Variants in DHTKD1 observed in about 807,000 individuals in gnomAD.
DHTKD1 encodes 2-oxoadipate dehydrogenase complex component E1.
In DHTKD1, 78 loss-of-function variants were observed where a neutral mutation model predicts 101.8. The observed-to-expected ratio is 0.77, with a 90% CI of 0.64 to 0.93. DHTKD1 has a LOEUF of 0.93. Among genes scored for constraint, DHTKD1 ranks in the 40% least tolerant of loss-of-function variants. The probability of loss-of-function intolerance (pLI) is 0.00; values close to 1 mark genes in which losing one functional copy is unlikely to be tolerated. For synonymous variants in DHTKD1, 462 were observed against 450.3 expected (o/e 1.03, Z -0.33); for missense variants, 1,223 against 1,161.7 (o/e 1.05, Z -0.77).
chr10:12,081,656 T>A (rs1832821303), intron 2 of DHTKD1, 29 bp downstream of exon 2: 5 of 1,613,296 alleles, frequency 3.1e-6, no homozygotes, highest in Non-Finnish European at 4.2e-6. Context: ...AGGCGGGAGC[T>A]CGGAGCTGCA....
chr10:12,095,966 G>A (rs1833066999), intron 7 of DHTKD1, among the ~76,000 whole-genome samples: 1 of 151,958 alleles, frequency 6.6e-6, no homozygotes, highest in Non-Finnish European at 1.5e-5. Flanking sequence ...CTGAGATTGT[G>A]CCACTGCATT....
intron 1 of DHTKD1, among the ~76,000 whole-genome samples, chr10:12,071,642 G>A (rs571145243): frequency 3.3e-5 from 5 of 151,234 alleles, no homozygotes; most frequent in African/African-American, 9.7e-5. Context: ...TGGTGCAGAC[G>A]TGGGGCCAGG....
intron 3 of DHTKD1, among the ~76,000 whole-genome samples, chr10:12,086,295 A>G (rs891407216): frequency 3.6e-5 from 5 of 137,228 alleles, no homozygotes; most frequent in African/African-American, 1.4e-4. Context: ...ATCTCAGCTC[A>G]CTGTAACCTC....
At chr10:12,102,282 G>A (rs1394740724) in intron 10 of DHTKD1, among the ~76,000 whole-genome samples, 1 of 151,774 alleles carries the variant, frequency 6.6e-6, no homozygotes, top group Non-Finnish European at 1.5e-5. Context: ...AAATTAGCTG[G>A]GTGTGGTGGC....
intron 14 of DHTKD1, 52 bp from the exon 15 acceptor site, chr10:12,118,697 C>G (rs1278530384): frequency 2.8e-6 from 4 of 1,420,214 alleles, no homozygotes; most frequent in Non-Finnish European, 3.7e-6. Context: ...TGACGTAATT[C>G]TTACTTTAAA....
chr10:12,097,750 G>A lies in DHTKD1; in HGVS notation c.1425G>A (p.Glu475=). 1 of 1,614,170 alleles carries A rather than the reference G, an allele frequency of 6.2e-7. No homozygotes were observed. The highest frequency in any genetic ancestry group is 8.5e-7 in the Non-Finnish European group (1 of 1,180,006). ...TTGCTGGCGGACTCATGACGCAGGAGGAGGTGTCTGAAATAAAATCCTCCT... is the reference window on the plus strand; with the variant it reads ...TTGCTGGCGGACTCATGACGCAGGAAGAGGTGTCTGAAATAAAATCCTCCT... ...HLIAGGLMTQ[E]EVSEIKSSYY... is the part of the protein sequence containing the mutation. The change falls in exon 8 of 17, where the codon GAG becomes GAA. Residue 475 remains glutamate, a synonymous_variant. Coordinates refer to ENST00000263035, the MANE Select transcript of DHTKD1 (RefSeq NM_018706.7).
chr10:12,103,525 G>GTGTA lies in DHTKD1; in HGVS notation c.1896+2352_1896+2355dup, dbSNP rs1187484683. 2.3e-5 allele frequency among the ~76,000 whole-genome samples: 3 copies of GTGTA among 127,812 alleles called. No homozygotes were observed. Among genetic ancestry groups the GTGTA allele is most frequent in the African/African-American group, 8.0e-5 (3 of 37,312 alleles). 83.8% of individuals were successfully genotyped at this position (127,812 alleles called of 152,430 possible). A position where few individuals can be genotyped will look rare whatever the true frequency, so the allele number is the denominator to read the frequency against. On this transcript the variant is annotated intron_variant, in intron 10 of 16. Coordinates refer to ENST00000263035, the MANE Select transcript of DHTKD1 (RefSeq NM_018706.7). The surrounding 1 kb of genome is among the most constrained non-coding windows in gnomAD (Gnocchi z 4.8). ...TGTGTGTGTGTGTGTGTGTGTGTGT[G>GTGTA]TGTATGTATGTGACAGGTCCTCCTC...
chr10:12,077,649 G>C (rs912158207), intron 1 of DHTKD1, among the ~76,000 whole-genome samples: 5 of 152,180 alleles, frequency 3.3e-5, no homozygotes, highest in Non-Finnish European at 5.9e-5. Context: ...CAGAGGATGG[G>C]TTTATAAAGA....
intron 10 of DHTKD1, among the ~76,000 whole-genome samples, chr10:12,104,062 T>C (rs553829258): frequency 7.2e-4 from 110 of 152,336 alleles, no homozygotes; most frequent in African/African-American, 2.5e-3. Context: ...TCTATTGATC[T>C]GCCTATTTTG....
At chr10:12,094,797 G>A (rs981765522) in intron 7 of DHTKD1, among the ~76,000 whole-genome samples, 15 of 152,014 alleles carry the variant, frequency 9.9e-5, no homozygotes, top group Admixed American at 9.2e-4. Context: ...GCATCACCAC[G>A]CCTGGCTAAT....
At chr10:12,101,401 C>T (rs763618744) in intron 10 of DHTKD1, among the ~76,000 whole-genome samples, 9 of 152,174 alleles carry the variant, frequency 5.9e-5, no homozygotes, top group Non-Finnish European at 1.3e-4. Flanking sequence ...TATCTGTAAT[C>T]ATGTAAATGT....
At chr10:12,095,853 A>AATT (rs1833064144) in intron 7 of DHTKD1, among the ~76,000 whole-genome samples, 1 of 142,596 alleles carries the variant, frequency 7.0e-6, no homozygotes, top group Admixed American at 7.0e-5. Context: ...AGAAAAGAAA[A>AATT]AGAAAAATTA....
chr10:12,069,708 T>TTTTTC (rs755177360), intron 1 of DHTKD1, among the ~76,000 whole-genome samples: 1 of 139,004 alleles, frequency 7.2e-6, no homozygotes, highest in Non-Finnish European at 1.6e-5. Flanking sequence ...TTTTTTTTTT[T>TTTTTC]TTCATTTTTA....
At position 12,107,504 on chromosome 10, in the gene DHTKD1, A is replaced by C. The variant is rs930639142; in HGVS notation, c.2048-405A>C. On this transcript the variant is annotated intron_variant, in intron 11 of 16. Transcript: ENST00000263035. This position sits in a 1 kb window ranked among gnomAD's most constrained non-coding sequence, Gnocchi z 4.1. ...ATGATCTCAGGACACTGCAACCTCT[A>C]TCTCCCGGGGTCAAGTGATTCTCCC... 6.6e-6 allele frequency among the ~76,000 whole-genome samples: 1 copy of C among 150,398 alleles called. No homozygotes were observed. Among genetic ancestry groups the C allele is most frequent in the Non-Finnish European group, 1.5e-5 (1 of 67,538 alleles).
Position 12,081,499 on chromosome 10 carries a change from C to G in DHTKD1, c.182C>G (p.Thr61Arg). The G allele has an allele frequency of 1.9e-6, 3 of 1,614,038 alleles. No homozygotes were observed. In the South Asian group the frequency reaches 3.3e-5, roughly 18 times the overall value. ...PVDHGLARLV[T>R]VYCEHGHKAA... ...GATCATGGCCTTGCCAGGTTGGTGA[C>G]AGTATATTGTGAGCATGGTCATAAA... The change falls in exon 2 of 17, where the codon ACA becomes AGA. Residue 61 changes from threonine to arginine, a missense_variant. By Grantham distance (71) the Thr-to-Arg change is moderately conservative. Transcript: ENST00000263035.
intron 1 of DHTKD1, among the ~76,000 whole-genome samples, chr10:12,079,886 G>T (rs1249636691): frequency 1.3e-5 from 2 of 152,160 alleles, no homozygotes; most frequent in Non-Finnish European, 2.9e-5. Flanking sequence ...TCATTTATTT[G>T]AGCTATTATG....
Position 12,097,704 on chromosome 10 carries a change from A to T in DHTKD1, c.1379A>T (p.Asp460Val). 2 of 1,612,808 alleles carry T rather than the reference A, an allele frequency of 1.2e-6. No individual in the cohort carries two copies. Among genetic ancestry groups the T allele is most frequent in the East Asian group, 4.5e-5 (2 of 44,892 alleles). The part of the protein sequence containing the change: ...KIIRARKSIP[D>V]TYAEHLIAGG... ...GGCAGAGCTCGAAAGAGCATTCCAG[A>T]CACATATGCAGAGCACCTCATTGCT... Residue 460 changes from aspartate to valine, a missense_variant, in exon 8 of 17, where the codon GAC (aspartate) becomes GTC (valine). Physicochemically the swap from Asp to Val is radical, Grantham distance 152 (BLOSUM62 -3). Coordinates refer to ENST00000263035, the MANE Select transcript of DHTKD1 (RefSeq NM_018706.7).
rs780534443 is a variant in DHTKD1, at chr10:12,081,561, C to G, written c.244C>G (p.Leu82Val). ...KINPLFTGQA[L>V]LENVPEIQAL... is the part of the protein sequence containing the mutation. Reference sequence around the variant, plus strand: ...CAACCCCCTCTTCACCGGACAAGCCCTGCTGGAGAATGTGCCTGAAATCCA... The same window carrying G: ...CAACCCCCTCTTCACCGGACAAGCCGTGCTGGAGAATGTGCCTGAAATCCA... Residue 82 changes from leucine (L) to valine (V), a missense_variant, in exon 2 of 17, where the codon CTG (leucine) becomes GTG (valine). Coordinates refer to ENST00000263035, the MANE Select transcript of DHTKD1 (RefSeq NM_018706.7). 6.2e-6 allele frequency: 10 copies of G among 1,614,166 alleles called. No individual in the cohort carries two copies. In the South Asian group the frequency reaches 9.9e-5, roughly 16 times the overall value.
rs1588616191 is a variant in DHTKD1 at position 12,107,845 on chromosome 10, G to A, written c.2048-64G>A. On this transcript the variant is annotated intron_variant, in intron 11 of 16. Transcript: ENST00000263035. This position sits in a 1 kb window ranked among gnomAD's most constrained non-coding sequence, Gnocchi z 4.1. The stretch of plus-strand genomic sequence containing the variant: ...AACTAACATTGATTTCCCCAGCTGA[G>A]TCGTGTCAGGCCACTTTGTCCCCGC... 9.1e-7 allele frequency: 1 copy of A among 1,093,120 alleles called. No homozygotes were observed. Among genetic ancestry groups the A allele is most frequent in the Admixed American group, 1.9e-5 (1 of 51,928 alleles). 67.7% of individuals were successfully genotyped at this position (1,093,120 alleles called of 1,614,324 possible). A position where few individuals can be genotyped will look rare whatever the true frequency, so the allele number is the denominator to read the frequency against.
Sources: gnomAD v4.1 joint callset for allele counts (sites outside exome capture counted in the v4.1 genomes callset) on GRCh38, gnomAD v4.1.1 for gene constraint, Gnocchi (gnomAD v3.1) non-coding constraint, MANE v1.5 for transcripts, NCBI Gene and HGNC (gene_info 2026-07-23, HGNC 2026-07-21) for gene names.